The following KDM4C variants were observed in gnomAD, a reference collection of about 807,000 sequenced individuals.
KDM4C encodes the protein lysine-specific demethylase 4C.
KDM4C carries 81 observed loss-of-function variants against 129.3 expected under a neutral mutation model. That is an observed-to-expected ratio of 0.63 (90% CI 0.52 to 0.75). The LOEUF (loss-of-function observed/expected upper bound fraction) is 0.75, where lower values mean the gene tolerates loss of function less well. Among genes scored for constraint, KDM4C ranks in the 30% least tolerant of loss-of-function variants. The pLI, the probability that KDM4C is intolerant of heterozygous loss-of-function variation, is 0.00. For missense variants in KDM4C, 1,457 were observed against 1,304.0 expected (o/e 1.12, Z -1.81); for synonymous variants, 573 against 456.1 (o/e 1.26, Z -3.26).
At chr9:7,074,718 AC>A (rs1833683799) in intron 17 of KDM4C, among the ~76,000 whole-genome samples, 1 of 152,134 alleles carries the variant, frequency 6.6e-6, no homozygotes, top group African/African-American at 2.4e-5. Flanking sequence ...CTTGCTATTA[AC>A]CCTAAAGGAC....
intron 8 of KDM4C, among the ~76,000 whole-genome samples, chr9:6,930,610 A>C (rs1259193845): frequency 7.4e-6 from 1 of 135,664 alleles, no homozygotes; most frequent in South Asian, 2.6e-4. Flanking sequence ...ATAATAAAAC[A>C]TGTTATAATA....
chr9:6,958,100 A>G (rs1172786187), intron 8 of KDM4C, among the ~76,000 whole-genome samples: 1 of 130,234 alleles, frequency 7.7e-6, no homozygotes, highest in Non-Finnish European at 1.7e-5. Context: ...TTTTTTTTTA[A>G]TAATTGCTTG....
chr9:7,171,949 G>A (rs7855802), intron 21 of KDM4C, among the ~76,000 whole-genome samples: 5,923 of 152,190 alleles, frequency 0.039, 185 homozygotes, highest in East Asian at 0.15. Flanking sequence ...AAAGGCTCAC[G>A]GTCACTAAGT....
chr9:6,999,894 A>G (rs1054686726), intron 12 of KDM4C, among the ~76,000 whole-genome samples: 2 of 152,236 alleles, frequency 1.3e-5, no homozygotes, highest in Non-Finnish European at 2.9e-5. Flanking sequence ...TTTTTACATA[A>G]TGATCTCTTT....
intron 4 of KDM4C, among the ~76,000 whole-genome samples, chr9:6,836,608 TA>T (rs1276576295): frequency 6.6e-6 from 1 of 152,156 alleles, no homozygotes; most frequent in Non-Finnish European, 1.5e-5. Context: ...TCTTGCCTTG[TA>T]AAAAATAGTT....
chr9:6,786,435 C>T (rs1162797834), intron 1 of KDM4C, among the ~76,000 whole-genome samples: 1 of 152,144 alleles, frequency 6.6e-6, no homozygotes, highest in East Asian at 1.9e-4. Flanking sequence ...GTCTCAGAAA[C>T]ATTGAAGACC....
intron 13 of KDM4C, among the ~76,000 whole-genome samples, chr9:7,013,567 A>G (rs997880727): frequency 1.3e-5 from 2 of 152,224 alleles, no homozygotes; most frequent in African/African-American, 4.8e-5. Flanking sequence ...TTATATGAAC[A>G]GACATATAGA....
At chr9:6,724,797 G>A (rs1817069569) in intron 1 of KDM4C, among the ~76,000 whole-genome samples, 1 of 152,130 alleles carries the variant, frequency 6.6e-6, no homozygotes, top group Admixed American at 6.6e-5. Flanking sequence ...CCAAAGTGCT[G>A]GGATTATAGG....
At position 6,904,980 on chromosome 9, in the gene KDM4C, TC is replaced by T. The variant is rs140436819; in HGVS notation, c.921+11749del. Among the ~76,000 whole-genome samples the T allele has an allele frequency of 3.5e-3, 532 of 152,296 alleles. 2 individuals are homozygous for T. The highest frequency in any genetic ancestry group is 0.012 in the African/African-American group (503 of 41,568). ...AAAAAACAAACAAACAAAAAAATCC[TC>T]AGCACAACAAAATGCTAACTGCAAT... On this transcript the variant is annotated intron_variant, in intron 8 of 21. Transcript: ENST00000381309.
At chr9:6,986,924 T>A in intron 11 of KDM4C, 1 of 412,234 alleles carries the variant, frequency 2.4e-6, no homozygotes, top group East Asian at 3.8e-5. Context: ...AAAATTAAAC[T>A]CTTTACTTTG....
intron 8 of KDM4C, among the ~76,000 whole-genome samples, chr9:6,912,788 G>T (rs927806146): frequency 6.6e-6 from 1 of 152,088 alleles, no homozygotes; most frequent in Non-Finnish European, 1.5e-5. Flanking sequence ...GGTTGCTCCC[G>T]GAGATGTGTT....
At position 6,741,472 on chromosome 9, in the gene KDM4C, T is replaced by C. The variant is rs140389503; in HGVS notation, c.49+20475T>C. Among the ~76,000 whole-genome samples the C allele has an allele frequency of 1.7e-3, 252 of 152,172 alleles. 1 individual carries two copies. Among genetic ancestry groups the C allele is most frequent in the Middle Eastern group, 0.014 (4 of 294 alleles). On this transcript the variant is annotated intron_variant, in intron 1 of 17. Coordinates refer to the KDM4C transcript ENST00000536108. ...CCCGGGTACATGCTATTTACTCGGG[T>C]ATTTAGCCTTTTTATTGTTCTTCAT...
At chr9:6,917,402 C>A (rs993769175) in intron 8 of KDM4C, among the ~76,000 whole-genome samples, 2 of 152,178 alleles carry the variant, frequency 1.3e-5, no homozygotes, top group African/African-American at 2.4e-5. Context: ...CTTCTTACTT[C>A]CCCCTTTCAC....
chr9:7,141,247 A>T (rs1841710880), intron 19 of KDM4C, among the ~76,000 whole-genome samples: 1 of 152,114 alleles, frequency 6.6e-6, no homozygotes, highest in Non-Finnish European at 1.5e-5. Context: ...GGCCAGTAGA[A>T]CCCCTTTCTC....
chr9:7,009,677 G>A (rs1034757781), intron 12 of KDM4C, among the ~76,000 whole-genome samples: 7 of 152,154 alleles, frequency 4.6e-5, no homozygotes, highest in African/African-American at 1.7e-4. Flanking sequence ...GTCAAATCAT[G>A]GGTGTTATTA....
intron 8 of KDM4C, chr9:6,948,265 A>G (rs181156758): frequency 1.4e-4 from 22 of 152,370 alleles, no homozygotes; most frequent in African/African-American, 5.1e-4. Flanking sequence ...TTGCAAAACT[A>G]CTTGAATCAT....
upstream of KDM4C, chr9:6,757,895 A>C (rs965971143): frequency 2.0e-5 from 20 of 985,336 alleles, no homozygotes; most frequent in Non-Finnish European, 2.3e-5. Context: ...GGCACCTTTA[A>C]GCTGTTTGTA....
chr9:7,088,734 T>G (rs1229974439), intron 17 of KDM4C, among the ~76,000 whole-genome samples: 1 of 152,160 alleles, frequency 6.6e-6, no homozygotes, highest in Non-Finnish European at 1.5e-5. Flanking sequence ...ATGAACTAAT[T>G]TAAAATATTT....
At chr9:7,034,784 A>G (rs542048456) in intron 15 of KDM4C, among the ~76,000 whole-genome samples, 208 of 152,336 alleles carry the variant, frequency 1.4e-3, no homozygotes, top group African/African-American at 4.8e-3. Context: ...ACTAGTTTAC[A>G]TTCCCACCAA....
Sources: gnomAD v4.1 joint callset for allele counts (sites outside exome capture counted in the v4.1 genomes callset) on GRCh38, gnomAD v4.1.1 for gene constraint, MANE v1.5 for transcripts, NCBI Gene and HGNC (gene_info 2026-07-23, HGNC 2026-07-21) for gene names.